PIK3R1: variants seen among roughly 807,000 people sequenced by gnomAD.
PIK3R1 encodes the protein phosphoinositide-3-kinase regulatory subunit 1, also known as phosphatidylinositol 3-kinase regulatory subunit alpha.
A neutral mutation model predicts 98.0 loss-of-function variants in PIK3R1; 29 were observed. That is an observed-to-expected ratio of 0.30 (90% CI 0.22 to 0.40). The LOEUF is 0.40. PIK3R1 is among the 10% of genes least tolerant of loss of function. PIK3R1 has a pLI of 1.00. For missense variants in PIK3R1, 596 were observed against 872.7 expected (o/e 0.68, Z 3.99); for synonymous variants, 282 against 311.8 (o/e 0.90, Z 1.01).
chr5:68,292,691 C>T, intron 8 of PIK3R1: 3 of 1,280,880 alleles, frequency 2.3e-6, no homozygotes, highest in Non-Finnish European at 3.0e-6. Context: ...AATAAGAAAA[C>T]AATGCCATTT....
intron 7 of PIK3R1, among the ~76,000 whole-genome samples, chr5:68,285,700 G>A (rs1471319223): frequency 6.6e-6 from 1 of 152,114 alleles, no homozygotes; most frequent in Non-Finnish European, 1.5e-5. Flanking sequence ...ATTGCAGGGG[G>A]GACTACTTTA....
At chr5:68,296,430 G>T (rs1747717696) in intron 15 of PIK3R1, 89 bp downstream of exon 15, 3 of 1,267,766 alleles carry the variant, frequency 2.4e-6, no homozygotes, top group Non-Finnish European at 2.2e-6. Flanking sequence ...GCAAAGATTT[G>T]ACATAGTTTT....
At chr5:68,251,150 A>G (rs1263987461) in intron 2 of PIK3R1, among the ~76,000 whole-genome samples, 1 of 152,174 alleles carries the variant, frequency 6.6e-6, no homozygotes, top group African/African-American at 2.4e-5. Context: ...ATCTGAAGAG[A>G]TTCTTCAAGG....
intron 2 of PIK3R1, among the ~76,000 whole-genome samples, chr5:68,241,658 G>T (rs561704277): frequency 1.3e-5 from 2 of 152,272 alleles, no homozygotes; most frequent in South Asian, 2.1e-4. Context: ...AAAGAAACTT[G>T]CCCAGAGTCC....
At chr5:68,282,956 A>C (rs554823274) in intron 7 of PIK3R1, among the ~76,000 whole-genome samples, 1 of 152,222 alleles carries the variant, frequency 6.6e-6, no homozygotes, top group African/African-American at 2.4e-5. Context: ...GTGTGCATAC[A>C]TTGTACTGCC....
At chr5:68,254,700 T>G (rs1299240477) in intron 2 of PIK3R1, among the ~76,000 whole-genome samples, 3 of 152,258 alleles carry the variant, frequency 2.0e-5, no homozygotes, top group Non-Finnish European at 2.9e-5. Context: ...TTTTACAATT[T>G]TAATGTGATT....
chr5:68,261,428 GCA>G (rs983474667), intron 2 of PIK3R1, among the ~76,000 whole-genome samples: 1 of 151,918 alleles, frequency 6.6e-6, no homozygotes, highest in South Asian at 2.1e-4. Context: ...TTCTACTAGT[GCA>G]CAGTGCCTTT....
At chr5:68,239,973 A>G (rs1207755036) in intron 2 of PIK3R1, 6 of 487,184 alleles carry the variant, frequency 1.2e-5, no homozygotes, top group African/African-American at 3.9e-5. Flanking sequence ...TTCCTCCTGC[A>G]TGTTGGAAAC....
chr5:68,273,607 G>A (rs1746451170), intron 3 of PIK3R1, 125 bp downstream of exon 3: 4 of 830,282 alleles, frequency 4.8e-6, no homozygotes, highest in East Asian at 2.4e-5. Flanking sequence ...ATACTCTGCT[G>A]GACACTCAAA....
chr5:68,272,664 A>T (rs1431814838), intron 2 of PIK3R1, among the ~76,000 whole-genome samples: 1 of 152,210 alleles, frequency 6.6e-6, no homozygotes, highest in Non-Finnish European at 1.5e-5. Context: ...ACGCATGCAA[A>T]AAGTTTACGA....
chr5:68,300,389 G>A lies in PIK3R1; in HGVS notation c.*2788G>A. The A allele has an allele frequency of 4.3e-6, 1 of 232,876 alleles. No individual in the cohort carries two copies. 14.4% of individuals were successfully genotyped at this position (232,876 alleles called of 1,614,324 possible). On this transcript the variant is annotated 3_prime_UTR_variant, in exon 16 of 16. Coordinates refer to ENST00000521381, the MANE Select transcript of PIK3R1 (RefSeq NM_181523.3). ...CAATATTGTCTGAACGGCTGAATATGAATAGATACAGCAGAGGCACTCCTG... is the reference window on the plus strand; with the variant it reads ...CAATATTGTCTGAACGGCTGAATATAAATAGATACAGCAGAGGCACTCCTG...
chr5:68,294,484 AGAGATTGTTCTAT>A (rs1747576998), intron 11 of PIK3R1, 39 bp from the exon 12 acceptor site: 1 of 1,402,064 alleles, frequency 7.1e-7, no homozygotes, highest in East Asian at 2.3e-5. Flanking sequence ...TCTTGCAGTA[AGAGATTGTTCTAT>A]GAAAGGTATG....
At chr5:68,239,798 G>A in intron 2 of PIK3R1, 1 of 495,224 alleles carries the variant, frequency 2.0e-6, no homozygotes, top group Non-Finnish European at 4.0e-6. Context: ...GATGCGGTCT[G>A]ATATGACAAA....
chr5:68,299,673 T>A lies in PIK3R1; in HGVS notation c.*2072T>A, dbSNP rs1052257555. 2.1e-5 allele frequency: 5 copies of A among 233,162 alleles called. No homozygotes were observed. Among genetic ancestry groups the A allele is most frequent in the African/African-American group, 8.8e-5 (4 of 45,366 alleles). The allele number at this position is 233,162 out of a possible 1,614,324, so 14.4% of individuals were successfully genotyped here. On this transcript the variant is annotated 3_prime_UTR_variant, in exon 16 of 16. Transcript: ENST00000521381. ...ATTTACCCACAGCTATATTTCTGTT[T>A]AAGTACTAGGGTGAGGGTTTTCTGT...
At chr5:68,292,626 G>A (rs771997912) in intron 8 of PIK3R1, 2 of 1,420,280 alleles carry the variant, frequency 1.4e-6, no homozygotes, top group Non-Finnish European at 1.9e-6. Context: ...TAAGAACAGA[G>A]TGTGAAGGCA....
In PIK3R1 at chr5:68,300,139, T is replaced by A. The variant is rs1747958337; in HGVS notation, c.*2538T>A. The A allele has an allele frequency of 4.3e-6, 1 of 233,160 alleles. No homozygotes were observed. Among genetic ancestry groups the A allele is most frequent in the South Asian group, 1.8e-4 (1 of 5,532 alleles). 14.4% of individuals were successfully genotyped at this position (233,160 alleles called of 1,614,324 possible). On this transcript the variant is annotated 3_prime_UTR_variant, in exon 16 of 16. Transcript: ENST00000521381. The stretch of plus-strand genomic sequence containing the variant: ...TTGTGCTTCAACATTCTTTGCAAGA[T>A]GATACGGTATTTAGGCATTTGCCTT...
chr5:68,274,754 A>ACTCC (rs747141087), intron 4 of PIK3R1, among the ~76,000 whole-genome samples: 26 of 151,966 alleles, frequency 1.7e-4, no homozygotes, highest in Non-Finnish European at 1.3e-4. Context: ...CCAAACACCC[A>ACTCC]CTCCCTCCTT....
intron 2 of PIK3R1, among the ~76,000 whole-genome samples, chr5:68,228,083 T>C (rs1744348543): frequency 6.6e-6 from 1 of 152,208 alleles, no homozygotes; most frequent in South Asian, 2.1e-4. Context: ...TCTTAGGGTC[T>C]AAGAAGGGAA....
chr5:68,265,945 C>T (rs1746105434), intron 2 of PIK3R1, among the ~76,000 whole-genome samples: 1 of 152,096 alleles, frequency 6.6e-6, no homozygotes, highest in Non-Finnish European at 1.5e-5. Context: ...CTTTTTTCTC[C>T]TTATTTCCAT....
Sources: allele counts gnomAD v4.1 joint callset (sites outside exome capture counted in the v4.1 genomes callset), GRCh38; gene constraint gnomAD v4.1.1; transcripts MANE v1.5; gene names NCBI Gene and HGNC (gene_info 2026-07-23, HGNC 2026-07-21).